Variants in SLC39A9 observed in about 807,000 individuals in gnomAD.
SLC39A9 encodes the protein zinc transporter ZIP9.
SLC39A9 carries 14 observed loss-of-function variants against 28.4 expected under a neutral mutation model. That is an observed-to-expected ratio of 0.49 (90% CI 0.33 to 0.77). The LOEUF is 0.77. Among genes scored for constraint, SLC39A9 ranks in the 30% least tolerant of loss-of-function variants. SLC39A9 has a pLI of 0.02. For missense variants in SLC39A9, 283 were observed against 381.1 expected (o/e 0.74, Z 2.14); for synonymous variants, 119 against 149.6 (o/e 0.80, Z 1.49).
Position 69,459,839 on chromosome 14 carries a change from C to T in SLC39A9, c.*1246C>T. 1.0e-6 allele frequency: 1 copy of T among 985,310 alleles called. No homozygotes were observed. The highest frequency in any genetic ancestry group is 1.2e-6 in the Non-Finnish European group (1 of 829,872). 61.0% of individuals were successfully genotyped at this position (985,310 alleles called of 1,614,324 possible). A position where few individuals can be genotyped will look rare whatever the true frequency, so the allele number is the denominator to read the frequency against. On this transcript the variant is annotated 3_prime_UTR_variant, in exon 7 of 7. Coordinates refer to ENST00000336643, the MANE Select transcript of SLC39A9 (RefSeq NM_018375.5). ...ATATTTGTGTGGGATGAATTCTTAT[C>T]AGGACAACCACTTCTCGAACTGTAA...
chr14:69,407,302 C>CCCTCCCTTCCTTCCTTCCTTCCTT (rs1882982588), intron 1 of SLC39A9, among the ~76,000 whole-genome samples: 1 of 143,820 alleles, frequency 7.0e-6, no homozygotes, highest in Non-Finnish European at 1.5e-5. Context: ...TCCCTTCCTT[C>CCCTCCCTTCCTTCCTTCCTTCCTT]CCTTCCTTCC....
Position 69,453,188 on chromosome 14 carries a change from G to T in SLC39A9, c.404-53G>T. 3 of 1,500,662 alleles carry T rather than the reference G, an allele frequency of 2.0e-6. No homozygotes were observed. In the South Asian group the frequency reaches 3.4e-5, roughly 17 times the overall value. 93.0% of individuals were successfully genotyped at this position (1,500,662 alleles called of 1,614,324 possible). A position where few individuals can be genotyped will look rare whatever the true frequency, so the allele number is the denominator to read the frequency against. On this transcript the variant is annotated intron_variant, in intron 3 of 6. Coordinates refer to ENST00000336643, the MANE Select transcript of SLC39A9 (RefSeq NM_018375.5). ...TTCTTTCACCTCCAGACCAATGTTT[G>T]AACAGTTTCTGTCTCACATAGCTTA...
chr14:69,421,625 C>G (rs1403018103), intron 1 of SLC39A9, among the ~76,000 whole-genome samples: 1 of 152,218 alleles, frequency 6.6e-6, no homozygotes, highest in African/African-American at 2.4e-5. Context: ...TCTACGGAGG[C>G]AGGCAGGCCT....
At position 69,460,240 on chromosome 14, in the gene SLC39A9, A is replaced by C. The variant is rs780718715; in HGVS notation, c.*1647A>C. The C allele has an allele frequency of 1.2e-5, 12 of 985,876 alleles. No individual in the cohort carries two copies. The highest frequency in any genetic ancestry group is 1.4e-5 in the Non-Finnish European group (12 of 829,932). The allele number at this position is 985,876 out of a possible 1,614,324, so 61.1% of individuals were successfully genotyped here. A position where few individuals can be genotyped will look rare whatever the true frequency, so the allele number is the denominator to read the frequency against. On this transcript the variant is annotated 3_prime_UTR_variant, in exon 7 of 7. Coordinates refer to ENST00000336643, the MANE Select transcript of SLC39A9 (RefSeq NM_018375.5). ...CTATGACGCATAAGCTAGCATGCCT[A>C]TGATTTATTTCCTTCATGAATTTGT...
chr14:69,455,771 G>A lies in SLC39A9; in HGVS notation c.598G>A (p.Ala200Thr). Residue 200 changes from alanine (A) to threonine (T), a missense_variant, in exon 6 of 7, where the codon GCT becomes ACT. Ala to Thr is a moderately conservative substitution (Grantham distance 58). Coordinates refer to ENST00000336643, the MANE Select transcript of SLC39A9 (RefSeq NM_018375.5). ...AFGLVSFLMH[A>T]GLERNRIRKH... Reference sequence around the variant, plus strand: ...TGGACTGGTTTCCTTCTTGATGCATGCTGGCTTAGAGCGGAATCGAATCAG... The same window carrying A: ...TGGACTGGTTTCCTTCTTGATGCATACTGGCTTAGAGCGGAATCGAATCAG... 6.2e-7 allele frequency: 1 copy of A among 1,614,184 alleles called. No individual in the cohort carries two copies. The highest frequency in any genetic ancestry group is 8.5e-7 in the Non-Finnish European group (1 of 1,180,032).
chr14:69,405,624 A>G (rs1566906008), intron 1 of SLC39A9, among the ~76,000 whole-genome samples: 1 of 152,144 alleles, frequency 6.6e-6, no homozygotes, highest in Non-Finnish European at 1.5e-5. Flanking sequence ...AAACTTTGCA[A>G]TCTCAGTAAA....
intron 2 of SLC39A9, chr14:69,441,709 A>G (rs1050813612): frequency 4.0e-6 from 3 of 756,896 alleles, no homozygotes; most frequent in South Asian, 5.7e-5. Flanking sequence ...TTTTCATCAG[A>G]AAAAAACAGT....
intron 3 of SLC39A9, among the ~76,000 whole-genome samples, chr14:69,444,587 G>A (rs1346741185): frequency 6.6e-6 from 1 of 152,102 alleles, no homozygotes; most frequent in Admixed American, 6.5e-5. Flanking sequence ...CCCATGGAGA[G>A]GAATTTGGCA....
At position 69,458,777 on chromosome 14, in the gene SLC39A9, A is replaced by G; in HGVS notation, c.*184A>G. ...GGAAAAGCTTTTAGAGTAGAAACAC[A>G]TTTACGTTGCAGTTAGCTATAGACA... is the stretch of plus-strand genomic sequence containing the variant. On this transcript the variant is annotated 3_prime_UTR_variant, in exon 7 of 7. Transcript: ENST00000336643. 2.2e-6 allele frequency: 3 copies of G among 1,362,086 alleles called. No homozygotes were observed. The highest frequency in any genetic ancestry group is 2.8e-6 in the Non-Finnish European group (3 of 1,058,806). The allele number at this position is 1,362,086 out of a possible 1,614,324, so 84.4% of individuals were successfully genotyped here. A position where few individuals can be genotyped will look rare whatever the true frequency, so the allele number is the denominator to read the frequency against.
chr14:69,414,048 TTC>T (rs1314590453), intron 1 of SLC39A9, among the ~76,000 whole-genome samples: 6 of 148,190 alleles, frequency 4.0e-5, no homozygotes, highest in Admixed American at 2.8e-4. Flanking sequence ...ATATTTCATA[TTC>T]TTTTTTTTTT....
intron 1 of SLC39A9, among the ~76,000 whole-genome samples, chr14:69,404,997 C>A (rs1176827152): frequency 6.6e-6 from 1 of 152,160 alleles, no homozygotes; most frequent in African/African-American, 2.4e-5. Flanking sequence ...AGGAGGCAAA[C>A]ACATCCTTCT....
chr14:69,431,274 A>C (rs796996139), intron 2 of SLC39A9, among the ~76,000 whole-genome samples: 18 of 152,310 alleles, frequency 1.2e-4, no homozygotes, highest in African/African-American at 3.6e-4. Context: ...GTATTCTAGT[A>C]TATAAAAAGT....
intron 2 of SLC39A9, among the ~76,000 whole-genome samples, chr14:69,432,764 A>G (rs1410216651): frequency 6.6e-6 from 1 of 152,104 alleles, no homozygotes; most frequent in Non-Finnish European, 1.5e-5. Context: ...TCCCCTGGAT[A>G]TGGTTAGCCA....
Position 69,399,092 on chromosome 14 carries a change from T to G in SLC39A9, c.-278T>G. ...CCCCATTGACTTTTCCCATCTCTGTTAACCCACGAGAATCTAATGACTGGC... is the reference window on the plus strand; with the variant it reads ...CCCCATTGACTTTTCCCATCTCTGTGAACCCACGAGAATCTAATGACTGGC... On this transcript the variant is annotated 5_prime_UTR_variant, in exon 1 of 7. Transcript: ENST00000336643. 2.4e-6 allele frequency: 1 copy of G among 409,734 alleles called. No homozygotes were observed. Among genetic ancestry groups the G allele is most frequent in the Non-Finnish European group, 4.3e-6 (1 of 230,786 alleles). The allele number at this position is 409,734 out of a possible 1,614,324, so 25.4% of individuals were successfully genotyped here.
Position 69,458,490 on chromosome 14 carries a change from A to G in SLC39A9, c.821A>G (p.Lys274Arg), listed in dbSNP as rs1249314201. 3 of 1,614,252 alleles carry G rather than the reference A, an allele frequency of 1.9e-6. No individual in the cohort carries two copies. Among genetic ancestry groups the G allele is most frequent in the Non-Finnish European group, 1.7e-6 (2 of 1,180,032 alleles). Residue 274 changes from lysine (K) to arginine (R), a missense_variant, in exon 7 of 7, where the codon AAG becomes AGG. By Grantham distance (26) the Lys-to-Arg change is conservative. Transcript: ENST00000336643. ...PEVGGIGHSH[K>R]PDATGGRGLS... ...GTGGGCGGAATAGGGCACAGCCACA[A>G]GCCCGATGCCACGGGAGGGAGAGGC...
chr14:69,419,338 T>C (rs930098082), intron 1 of SLC39A9, among the ~76,000 whole-genome samples: 4 of 152,244 alleles, frequency 2.6e-5, no homozygotes, highest in African/African-American at 9.6e-5. Context: ...TCCTGAGTTC[T>C]AGTTTGATTG....
Position 69,462,387 on chromosome 14 carries a change from T to G in SLC39A9, c.*3794T>G, listed in dbSNP as rs981551233. 3.3e-5 allele frequency: 5 copies of G among 152,272 alleles called. No individual in the cohort carries two copies. Among genetic ancestry groups the G allele is most frequent in the African/African-American group, 9.6e-5 (4 of 41,466 alleles). 9.4% of individuals were successfully genotyped at this position (152,272 alleles called of 1,614,324 possible). ...TATTAAATTTTTATTAGTGCATACC[T>G]TAATCTGAGTGGCTCATTACTTATC... On this transcript the variant is annotated 3_prime_UTR_variant, in exon 7 of 7. Transcript: ENST00000336643.
chr14:69,432,746 A>G (rs1365855064), intron 2 of SLC39A9, among the ~76,000 whole-genome samples: 1 of 152,178 alleles, frequency 6.6e-6, no homozygotes, highest in East Asian at 1.9e-4. Flanking sequence ...GTAGGGGTCC[A>G]GTTTCATTCC....
rs1355640096 is a variant in SLC39A9, at chr14:69,459,996, T to A, written c.*1403T>A. On this transcript the variant is annotated 3_prime_UTR_variant, in exon 7 of 7. Transcript: ENST00000336643. ...ATTGACACAATCACTAATCTGGTAA[T>A]TTAAACAATTGAGATAGCAAAAGTG... The A allele has an allele frequency of 1.0e-6, 1 of 985,166 alleles. No individual in the cohort carries two copies. Among genetic ancestry groups the A allele is most frequent in the Non-Finnish European group, 1.2e-6 (1 of 829,424 alleles). The allele number at this position is 985,166 out of a possible 1,614,324, so 61.0% of individuals were successfully genotyped here.
Sources: allele counts gnomAD v4.1 joint callset (sites outside exome capture counted in the v4.1 genomes callset), GRCh38; gene constraint gnomAD v4.1.1; transcripts MANE v1.5; gene names NCBI Gene and HGNC (gene_info 2026-07-23, HGNC 2026-07-21).